The following JMY variants were observed in gnomAD, a reference collection of about 807,000 sequenced individuals.
The protein encoded by JMY is junction-mediating and -regulatory protein.
A neutral mutation model predicts 103.3 loss-of-function variants in JMY; 46 were observed. That is an observed-to-expected ratio of 0.45 (90% CI 0.35 to 0.57). The LOEUF (loss-of-function observed/expected upper bound fraction) is 0.57, where lower values mean the gene tolerates loss of function less well. Among genes scored for constraint, JMY ranks in the 20% least tolerant of loss-of-function variants. JMY has a pLI of 0.00. For missense variants in JMY, 1,238 were observed against 1,255.2 expected (o/e 0.99, Z 0.21); for synonymous variants, 526 against 489.3 (o/e 1.07, Z -0.99).
chr5:79,241,116 A>G (rs960647041), intron 1 of JMY, among the ~76,000 whole-genome samples: 1 of 152,182 alleles, frequency 6.6e-6, no homozygotes, highest in Non-Finnish European at 1.5e-5. Flanking sequence ...TAAAGGTTTC[A>G]ACTTAAAATC....
At chr5:79,312,914 G>A (rs1223971562) in intron 8 of JMY, among the ~76,000 whole-genome samples, 2 of 152,152 alleles carry the variant, frequency 1.3e-5, no homozygotes, top group Non-Finnish European at 2.9e-5. Context: ...CAGCATATTT[G>A]AGAAATGCTT....
chr5:79,278,852 C>T (rs1381886570), intron 2 of JMY, among the ~76,000 whole-genome samples: 1 of 145,978 alleles, frequency 6.9e-6, no homozygotes. Context: ...TGGTCTGGAA[C>T]TCCTGGGCTC....
intron 4 of JMY, among the ~76,000 whole-genome samples, 168 bp from the exon 5 acceptor site, chr5:79,299,985 C>CATATATATAT (rs10640258): frequency 6.7e-6 from 1 of 149,382 alleles, no homozygotes; most frequent in African/African-American, 2.5e-5. Context: ...CTGTTTTATA[C>CATATATATAT]ATATATATAT....
rs369812130 is a variant in JMY, at chr5:79,249,580, C to A, written c.1032+11898C>A. On this transcript the variant is annotated intron_variant, in intron 1 of 10. Transcript: ENST00000396137. ...TGTTCTATTTCTTGGTAGAAATTAT[C>A]TTAAAGGAGATGAATGGAGGAACAG... 1.3e-4 allele frequency among the ~76,000 whole-genome samples: 20 copies of A among 152,210 alleles called. 1 individual carries two copies. The highest frequency in any genetic ancestry group is 5.9e-4 in the Admixed American group (9 of 15,272).
chr5:79,313,771 A>G (rs1429187869), intron 8 of JMY, among the ~76,000 whole-genome samples: 1 of 152,214 alleles, frequency 6.6e-6, no homozygotes, highest in Admixed American at 6.5e-5. Flanking sequence ...TGGATTTGAT[A>G]GGCAAATAAT....
At chr5:79,268,722 T>TTA (rs368615269) in intron 1 of JMY, among the ~76,000 whole-genome samples, 268 of 152,232 alleles carry the variant, frequency 1.8e-3, no homozygotes, top group African/African-American at 5.5e-3. Context: ...TCTCTTGACC[T>TTA]TATGATCCAC....
chr5:79,237,476 G>A lies in JMY; in HGVS notation c.826G>A (p.Glu276Lys). 6.2e-7 allele frequency: 1 copy of A among 1,613,720 alleles called. No homozygotes were observed. Among genetic ancestry groups the A allele is most frequent in the Non-Finnish European group, 8.5e-7 (1 of 1,179,940 alleles). The stretch of plus-strand genomic sequence containing the variant: ...GACTGTGCTGTTTGGGGGCGCCCCC[G>A]AGATGACCGAGCAGGAAATCGACAC... ...MWTVLFGGAP[E>K]MTEQEIDTLC... Residue 276 changes from glutamate (E) to lysine (K), a missense_variant, in exon 1 of 11, where the codon GAG becomes AAG. Glu to Lys is a moderately conservative substitution (Grantham distance 56, BLOSUM62 1). Transcript: ENST00000396137.
chr5:79,257,765 T>A (rs916758404), intron 1 of JMY, among the ~76,000 whole-genome samples: 1 of 151,466 alleles, frequency 6.6e-6, no homozygotes, highest in Non-Finnish European at 1.5e-5. Context: ...GAAAACAGAT[T>A]ATCTTTTTTT....
intron 1 of JMY, among the ~76,000 whole-genome samples, chr5:79,262,276 A>C (rs1461168399): frequency 6.6e-6 from 1 of 152,166 alleles, no homozygotes; most frequent in African/African-American, 2.4e-5. Flanking sequence ...AATATCCTTA[A>C]TCCTAAATAA....
Position 79,236,580 on chromosome 5 carries a change from C to T in JMY, c.-71C>T, listed in dbSNP as rs572119648. 26 of 1,202,666 alleles carry T rather than the reference C, an allele frequency of 2.2e-5. No individual in the cohort carries two copies. The East Asian group carries it at 7.0e-4, about 33-fold the overall frequency. 74.5% of individuals were successfully genotyped at this position (1,202,666 alleles called of 1,614,324 possible). ...CGGCGAGGGTGAGCGGGGGGCGCGG[C>T]GCAGCCAGCGGGGAGTCCTCGGGCG... On this transcript the variant is annotated 5_prime_UTR_variant, in exon 1 of 11. Coordinates refer to ENST00000396137, the MANE Select transcript of JMY (RefSeq NM_152405.5).
intron 2 of JMY, among the ~76,000 whole-genome samples, chr5:79,285,648 C>A (rs1746247325): frequency 6.6e-6 from 1 of 151,850 alleles, no homozygotes; most frequent in Non-Finnish European, 1.5e-5. Flanking sequence ...ATATAAAAAC[C>A]CATGAATAGA....
At chr5:79,258,881 G>T (rs1275466050) in intron 1 of JMY, among the ~76,000 whole-genome samples, 3 of 152,168 alleles carry the variant, frequency 2.0e-5, no homozygotes, top group Non-Finnish European at 4.4e-5. Context: ...AGCCCTGTTT[G>T]TGTTACAGCT....
At chr5:79,238,648 CTT>C (rs1055172051) in intron 1 of JMY, among the ~76,000 whole-genome samples, 8 of 120,640 alleles carry the variant, frequency 6.6e-5, no homozygotes, top group East Asian at 2.5e-4. Context: ...TCCGCGCCTT[CTT>C]TTTTTTTTTT....
Position 79,237,036 on chromosome 5 carries a change from G to T in JMY, c.386G>T (p.Arg129Leu). 1 of 1,511,132 alleles carries T rather than the reference G, an allele frequency of 6.6e-7. No individual in the cohort carries two copies. Among genetic ancestry groups the T allele is most frequent in the East Asian group, 2.5e-5 (1 of 40,312 alleles). 93.6% of individuals were successfully genotyped at this position (1,511,132 alleles called of 1,614,324 possible). The part of the protein sequence containing the change: ...TRSLLGDPRL[R>L]SPGSKGAESR... ...AGCCTTCTGGGGGACCCGCGGCTGC[G>T]GAGTCCTGGCAGCAAAGGGGCGGAG... is the stretch of plus-strand genomic sequence containing the variant. The change falls in exon 1 of 11, where the codon CGG (arginine) becomes CTG (leucine). Residue 129 changes from arginine to leucine, a missense_variant. Transcript: ENST00000396137.
chr5:79,238,159 T>A (rs1744582680), intron 1 of JMY, among the ~76,000 whole-genome samples: 1 of 152,230 alleles, frequency 6.6e-6, no homozygotes, highest in South Asian at 2.1e-4. Flanking sequence ...AATTTTAAAT[T>A]CATTTTTAAA....
intron 2 of JMY, chr5:79,284,244 A>G (rs1323796276): frequency 3.3e-6 from 5 of 1,529,806 alleles, no homozygotes; most frequent in Non-Finnish European, 4.5e-6. Flanking sequence ...AAGCTCCATG[A>G]GCTTTCCCAA....
chr5:79,319,978 C>G (rs76843399), intron 10 of JMY, among the ~76,000 whole-genome samples: 3,002 of 152,274 alleles, frequency 0.02, 117 homozygotes, highest in African/African-American at 0.068. Context: ...GTCCCTTGTT[C>G]TGCCTTGTTC....
At chr5:79,251,620 A>G (rs1745085533) in intron 1 of JMY, among the ~76,000 whole-genome samples, 1 of 149,980 alleles carries the variant, frequency 6.7e-6, no homozygotes. Flanking sequence ...GGTCTCATTC[A>G]TTCTATTTTT....
In JMY at chr5:79,314,638, C is replaced by CA; in HGVS notation, c.2446_2447insA (p.Pro816HisfsTer15). 1 of 1,479,772 alleles carries CA rather than the reference C, an allele frequency of 6.8e-7. No homozygotes were observed. Among genetic ancestry groups the CA allele is most frequent in the Non-Finnish European group, 9.3e-7 (1 of 1,076,698 alleles). The allele number at this position is 1,479,772 out of a possible 1,614,324, so 91.7% of individuals were successfully genotyped here. ...TCCTCCAACACCACCACCTCCCCCA[C>CA]CTCCTCCCCCTCCCCCACCACCACC... On this transcript the variant is annotated frameshift_variant, in exon 9 of 11. Transcript: ENST00000396137. LOFTEE classifies it high-confidence loss of function.
Sources: gnomAD v4.1 joint callset for allele counts (sites outside exome capture counted in the v4.1 genomes callset) on GRCh38, gnomAD v4.1.1 for gene constraint, MANE v1.5 for transcripts, NCBI Gene and HGNC (gene_info 2026-07-23, HGNC 2026-07-21) for gene names.